The following TMOD3 variants were observed in gnomAD, a reference collection of about 807,000 sequenced individuals.
The protein encoded by TMOD3 is tropomodulin-3.
A neutral mutation model predicts 39.2 loss-of-function variants in TMOD3; 20 were observed. The ratio of observed to expected loss-of-function variants is 0.51; its 90% CI spans 0.36 to 0.74. The LOEUF is 0.74. Ranked by LOEUF, TMOD3 falls within the 30% of genes least tolerant of loss-of-function variation. The pLI is 0.00. For missense variants in TMOD3, 381 were observed against 412.8 expected, an observed-to-expected ratio of 0.92 and a Z score of 0.67; for synonymous variants, 143 against 145.8, an observed-to-expected ratio of 0.98 and a Z score of 0.14.
At chr15:51,881,512 C>G (rs2056533506) in intron 3 of TMOD3, among the ~76,000 whole-genome samples, 1 of 148,490 alleles carries the variant, frequency 6.7e-6, no homozygotes, top group Non-Finnish European at 1.5e-5. Context: ...AAACCATTGC[C>G]TAATTCAAGG....
At chr15:51,859,133 G>A (rs1330066039) in intron 1 of TMOD3, 43 of 641,756 alleles carry the variant, frequency 6.7e-5, no homozygotes, top group Admixed American at 3.7e-4. Context: ...ATACATATTT[G>A]CCCACAGGGC....
intron 1 of TMOD3, among the ~76,000 whole-genome samples, chr15:51,858,571 T>C (rs1330407340): frequency 6.6e-6 from 1 of 151,996 alleles, no homozygotes; most frequent in Non-Finnish European, 1.5e-5. Context: ...TTTGCTTGTG[T>C]TTTTTTTCCC....
chr15:51,881,550 CTTT>C (rs753814979), intron 3 of TMOD3, among the ~76,000 whole-genome samples: 777 of 61,650 alleles, frequency 0.013, no homozygotes, highest in East Asian at 0.054. Flanking sequence ...TTCTTTATTT[CTTT>C]TTTTTTTTTT....
intron 3 of TMOD3, among the ~76,000 whole-genome samples, chr15:51,886,839 A>G (rs546589095): frequency 3.3e-5 from 5 of 152,202 alleles, no homozygotes; most frequent in Non-Finnish European, 7.4e-5. Context: ...GGACATAGAA[A>G]TTTGTTTGCA....
chr15:51,859,522 G>C, intron 1 of TMOD3: 1 of 626,930 alleles, frequency 1.6e-6, no homozygotes, highest in Non-Finnish European at 3.1e-6. Context: ...CCACCATGTT[G>C]ATAAGCCCAA....
chr15:51,880,588 A>G (rs954853441), intron 3 of TMOD3, among the ~76,000 whole-genome samples: 2 of 152,284 alleles, frequency 1.3e-5, no homozygotes, highest in East Asian at 3.9e-4. Flanking sequence ...ATCATACAAT[A>G]TGTATTTATG....
chr15:51,912,868 A>G lies in TMOD3; in HGVS notation c.*4058A>G, dbSNP rs1010223829. 2.0e-5 allele frequency: 3 copies of G among 152,370 alleles called. No homozygotes were observed. The South Asian group carries it at 6.2e-4, about 32-fold the overall frequency. 9.4% of individuals were successfully genotyped at this position (152,370 alleles called of 1,614,324 possible). ...TCCTCTCCATCAGCTCTCACTGATC[A>G]TTAATGTTTCTGGATATTTCTTACC... On this transcript the variant is annotated 3_prime_UTR_variant, in exon 10 of 10. Transcript: ENST00000308580.
At chr15:51,881,397 T>C (rs1380487186) in intron 3 of TMOD3, among the ~76,000 whole-genome samples, 1 of 152,184 alleles carries the variant, frequency 6.6e-6, no homozygotes, top group African/African-American at 2.4e-5. Context: ...GATTATCTTT[T>C]CACTTTCTTG....
intron 3 of TMOD3, among the ~76,000 whole-genome samples, chr15:51,870,533 A>G (rs2056469847): frequency 6.6e-6 from 1 of 152,194 alleles, no homozygotes; most frequent in Admixed American, 6.5e-5. Flanking sequence ...TTTTGGCCAG[A>G]ACTGTGTCAC....
At position 51,895,492 on chromosome 15, in the gene TMOD3, T is replaced by C. The variant is rs1328898906; in HGVS notation, c.628-927T>C. The stretch of plus-strand genomic sequence containing the variant: ...ACCTTGGCCTCCCAAACTGCTGGGA[T>C]TACAGGTGTGAGCCACTGCGCCCGG... On this transcript the variant is annotated intron_variant, in intron 6 of 9. Transcript: ENST00000308580. 2.0e-5 allele frequency among the ~76,000 whole-genome samples: 3 copies of C among 152,120 alleles called. No homozygotes were observed. The East Asian group carries it at 5.8e-4, about 29-fold the overall frequency.
intron 3 of TMOD3, among the ~76,000 whole-genome samples, chr15:51,877,172 T>C (rs1257986756): frequency 1.3e-5 from 2 of 152,248 alleles, no homozygotes; most frequent in African/African-American, 4.8e-5. Context: ...TCATCTATCA[T>C]TGTTAAGTCA....
intron 9 of TMOD3, among the ~76,000 whole-genome samples, chr15:51,905,950 C>CAAAAAAAAAA (rs869172248): frequency 1.7e-4 from 11 of 64,744 alleles, no homozygotes; most frequent in African/African-American, 6.0e-4. Flanking sequence ...GACTCCGTCT[C>CAAAAAAAAAA]AAAAAAAAAA....
intron 1 of TMOD3, among the ~76,000 whole-genome samples, chr15:51,850,786 G>C (rs2056357821): frequency 6.6e-6 from 1 of 152,110 alleles, no homozygotes. Context: ...ACCCAGGCTG[G>C]AGTGCAGTGG....
At chr15:51,859,914 T>C (rs1023233001) in intron 1 of TMOD3, 15 of 542,226 alleles carry the variant, frequency 2.8e-5, no homozygotes, top group Admixed American at 1.3e-4. Context: ...CTGAATGCAG[T>C]CATGGTTCTT....
intron 3 of TMOD3, among the ~76,000 whole-genome samples, chr15:51,878,692 T>C (rs1159483548): frequency 1.3e-5 from 2 of 152,216 alleles, no homozygotes; most frequent in Non-Finnish European, 2.9e-5. Context: ...GTGTGTATCA[T>C]TGGATCAAAA....
rs2056714940 is a variant in TMOD3 at position 51,912,187 on chromosome 15, G to A, written c.*3377G>A. The A allele has an allele frequency of 6.6e-6, 1 of 152,086 alleles. No individual in the cohort carries two copies. Among genetic ancestry groups the A allele is most frequent in the African/African-American group, 2.4e-5 (1 of 41,414 alleles). The allele number at this position is 152,086 out of a possible 1,614,324, so 9.4% of individuals were successfully genotyped here. On this transcript the variant is annotated 3_prime_UTR_variant, in exon 10 of 10. Coordinates refer to ENST00000308580, the MANE Select transcript of TMOD3 (RefSeq NM_014547.5). The stretch of plus-strand genomic sequence containing the variant: ...TCACGCCTGTAATCCTAGCACTTTG[G>A]GAGGCCGAGGTGGGCGGATCACCTG...
chr15:51,897,103 C>G (rs2056624555), intron 7 of TMOD3, among the ~76,000 whole-genome samples: 1 of 152,188 alleles, frequency 6.6e-6, no homozygotes, highest in African/African-American at 2.4e-5. Flanking sequence ...CTCCCCTTAC[C>G]TCAGTGGACA....
Position 51,912,878 on chromosome 15 carries a change from C to T in TMOD3, c.*4068C>T, listed in dbSNP as rs1265569542. Reference sequence around the variant, plus strand: ...CAGCTCTCACTGATCATTAATGTTTCTGGATATTTCTTACCCTAAGATTTG... The same window carrying T: ...CAGCTCTCACTGATCATTAATGTTTTTGGATATTTCTTACCCTAAGATTTG... On this transcript the variant is annotated 3_prime_UTR_variant, in exon 10 of 10. Coordinates refer to ENST00000308580, the MANE Select transcript of TMOD3 (RefSeq NM_014547.5). 3 of 152,224 alleles carry T rather than the reference C, an allele frequency of 2.0e-5. No homozygotes were observed. Among genetic ancestry groups the T allele is most frequent in the Admixed American group, 6.5e-5 (1 of 15,286 alleles). 9.4% of individuals were successfully genotyped at this position (152,224 alleles called of 1,614,324 possible). A position where few individuals can be genotyped will look rare whatever the true frequency, so the allele number is the denominator to read the frequency against.
intron 2 of TMOD3, among the ~76,000 whole-genome samples, chr15:51,867,606 C>A (rs544636676): frequency 7.9e-5 from 12 of 152,318 alleles, no homozygotes; most frequent in Non-Finnish European, 1.3e-4. Context: ...TTTTCTATTA[C>A]TATTGCCCAT....
Sources: allele counts gnomAD v4.1 joint callset (sites outside exome capture counted in the v4.1 genomes callset), GRCh38; gene constraint gnomAD v4.1.1; transcripts MANE v1.5; gene names NCBI Gene and HGNC (gene_info 2026-07-23, HGNC 2026-07-21).